Variants in SCHIP1 observed in about 807,000 individuals in gnomAD.
The protein encoded by SCHIP1 is schwannomin-interacting protein 1.
In SCHIP1, 8 loss-of-function variants were observed where a neutral mutation model predicts 29.7. The ratio of observed to expected loss-of-function variants is 0.27; its 90% CI spans 0.16 to 0.49. SCHIP1 has a LOEUF of 0.49. Ranked by LOEUF, SCHIP1 falls within the 20% of genes least tolerant of loss-of-function variation. The probability of loss-of-function intolerance (pLI) is 0.99; values close to 1 mark genes in which losing one functional copy is unlikely to be tolerated. For missense variants in SCHIP1, 193 were observed against 294.6 expected, an observed-to-expected ratio of 0.66 and a Z score of 2.52; for synonymous variants, 76 against 94.9, an observed-to-expected ratio of 0.80 and a Z score of 1.16.
chr3:159,639,508 G>C, the SCHIP1 span, among the ~76,000 whole-genome samples: 39 of 152,084 alleles, frequency 2.6e-4, no homozygotes, highest in African/African-American at 9.4e-4. Flanking sequence ...CCAAAAATCA[G>C]ACCCATAGAA....
At chr3:159,613,224 G>C in the SCHIP1 span, among the ~76,000 whole-genome samples, 39 of 152,264 alleles carry the variant, frequency 2.6e-4, no homozygotes, top group African/African-American at 8.4e-4. Context: ...GAATATGAGA[G>C]ACACCCTTGA....
At chr3:159,795,216 A>G in the SCHIP1 span, among the ~76,000 whole-genome samples, 1 of 152,220 alleles carries the variant, frequency 6.6e-6, no homozygotes, top group Admixed American at 6.5e-5. Context: ...GGATAGAACC[A>G]AACTTAGACA....
chr3:159,746,672 C>T, the SCHIP1 span, among the ~76,000 whole-genome samples: 1 of 152,092 alleles, frequency 6.6e-6, no homozygotes, highest in Non-Finnish European at 1.5e-5. Context: ...TCTTCACATC[C>T]ACTCTTGCTT....
chr3:159,890,824 G>A (rs1005230729), intron 5 of SCHIP1, among the ~76,000 whole-genome samples: 2 of 151,914 alleles, frequency 1.3e-5, no homozygotes, highest in Non-Finnish European at 2.9e-5. Flanking sequence ...TGACCTAAAG[G>A]CAGATAAATG....
At chr3:159,800,112 A>G in the SCHIP1 span, among the ~76,000 whole-genome samples, 17 of 152,244 alleles carry the variant, frequency 1.1e-4, no homozygotes, top group Non-Finnish European at 2.1e-4. Context: ...TTCAAAGGGT[A>G]TGGTAGTGAA....
At chr3:159,543,485 A>G in the SCHIP1 span, among the ~76,000 whole-genome samples, 15 of 148,660 alleles carry the variant, frequency 1.0e-4, no homozygotes, top group African/African-American at 3.0e-4. Flanking sequence ...TTTTGTCCTT[A>G]CGATAGTTTA....
the SCHIP1 span, among the ~76,000 whole-genome samples, chr3:159,809,951 A>C: frequency 1.3e-5 from 2 of 152,310 alleles, no homozygotes; most frequent in Admixed American, 1.3e-4. Flanking sequence ...CCGAGATTGC[A>C]CCACTGAGTT....
At chr3:159,290,144 A>T in the SCHIP1 span, among the ~76,000 whole-genome samples, 1 of 152,254 alleles carries the variant, frequency 6.6e-6, no homozygotes, top group Non-Finnish European at 1.5e-5. Flanking sequence ...ACTAAAAAAA[A>T]GGTGGATAAC....
At chr3:159,414,789 C>G in the SCHIP1 span, among the ~76,000 whole-genome samples, 1 of 152,148 alleles carries the variant, frequency 6.6e-6, no homozygotes, top group Non-Finnish European at 1.5e-5. Flanking sequence ...AACCTCAGAT[C>G]ATCAGGCATT....
At chr3:159,832,090 T>G in the SCHIP1 span, among the ~76,000 whole-genome samples, 10 of 152,158 alleles carry the variant, frequency 6.6e-5, no homozygotes, top group African/African-American at 2.4e-4. Context: ...CAAAATCTCT[T>G]GGAAAGAGAT....
intron 6 of SCHIP1, among the ~76,000 whole-genome samples, chr3:159,895,706 G>A (rs537506243): frequency 6.6e-6 from 1 of 152,022 alleles, no homozygotes; most frequent in South Asian, 2.1e-4. Flanking sequence ...TTGTTTGTTT[G>A]TTCTTTGAGA....
At chr3:159,664,351 T>G in the SCHIP1 span, among the ~76,000 whole-genome samples, 32 of 152,304 alleles carry the variant, frequency 2.1e-4, 1 homozygote, top group African/African-American at 7.5e-4. Context: ...ATAGTAGTTA[T>G]AGTCCCTTAT....
chr3:159,865,890 A>C (rs1316072515), intron 1 of SCHIP1, among the ~76,000 whole-genome samples: 3 of 152,226 alleles, frequency 2.0e-5, no homozygotes. Flanking sequence ...ATTACGTGAC[A>C]AATAATCTAG....
chr3:159,584,643 G>T, the SCHIP1 span, among the ~76,000 whole-genome samples: 4 of 152,094 alleles, frequency 2.6e-5, no homozygotes, highest in Non-Finnish European at 5.9e-5. Flanking sequence ...GTATCATTGT[G>T]TAACTATGTA....
At chr3:159,893,515 TA>T (rs150356872) in intron 6 of SCHIP1, 4 of 152,244 alleles carry the variant, frequency 2.6e-5, no homozygotes, top group African/African-American at 7.2e-5. Flanking sequence ...TACATTTTTT[TA>T]AAAAAATATA....
the SCHIP1 span, among the ~76,000 whole-genome samples, chr3:159,646,835 A>G: frequency 6.6e-6 from 1 of 152,240 alleles, no homozygotes; most frequent in African/African-American, 2.4e-5. Context: ...CTTCTGAAAA[A>G]GAGCTGAAAA....
At chr3:159,723,407 T>A in the SCHIP1 span, among the ~76,000 whole-genome samples, 12 of 152,178 alleles carry the variant, frequency 7.9e-5, no homozygotes, top group Admixed American at 7.2e-4. Flanking sequence ...TCTCCAGAAA[T>A]AGAAAAGTAT....
chr3:159,651,039 C>T, the SCHIP1 span, among the ~76,000 whole-genome samples: 24,287 of 152,084 alleles, frequency 0.16, 5,368 homozygotes, highest in African/African-American at 0.5. Flanking sequence ...ATACCTGTAC[C>T]GTCTCATAGG....
the SCHIP1 span, among the ~76,000 whole-genome samples, chr3:159,549,745 C>A: frequency 6.6e-6 from 1 of 152,236 alleles, no homozygotes; most frequent in Admixed American, 6.5e-5. Context: ...ACCATGGAGT[C>A]CTGATTTGGC....
Sources: allele counts gnomAD v4.1 joint callset (sites outside exome capture counted in the v4.1 genomes callset), GRCh38; gene constraint gnomAD v4.1.1; transcripts MANE v1.5; gene names NCBI Gene and HGNC (gene_info 2026-07-23, HGNC 2026-07-21).